The following OTUD7B variants were observed in gnomAD, a reference collection of about 807,000 sequenced individuals.
OTUD7B encodes OTU domain-containing protein 7B.
Under a neutral mutation model 82.2 loss-of-function variants are expected in OTUD7B, and 34 were observed. The ratio of observed to expected loss-of-function variants is 0.41; its 90% CI spans 0.31 to 0.55. The LOEUF is 0.55. Ranked by LOEUF, OTUD7B falls within the 20% of genes least tolerant of loss-of-function variation. OTUD7B has a pLI of 0.20. For synonymous variants in OTUD7B, 398 were observed against 402.7 expected (o/e 0.99, Z 0.14); for missense variants, 944 against 1,062.1 (o/e 0.89, Z 1.55).
At chr1:149,951,537 G>A (rs781813565) in intron 7 of OTUD7B, among the ~76,000 whole-genome samples, 14 of 152,128 alleles carry the variant, frequency 9.2e-5, no homozygotes, top group Non-Finnish European at 1.6e-4. Flanking sequence ...ACTGGAGTCA[G>A]CGTGTTCAAA....
At chr1:149,976,339 G>A (rs1180309841) in intron 2 of OTUD7B, among the ~76,000 whole-genome samples, 3 of 152,024 alleles carry the variant, frequency 2.0e-5, no homozygotes, top group Non-Finnish European at 4.4e-5. Context: ...GCCAGGCATG[G>A]TGGCTCATGC....
At chr1:149,960,327 A>G (rs906216427) in intron 6 of OTUD7B, among the ~76,000 whole-genome samples, 1 of 146,178 alleles carries the variant, frequency 6.8e-6, no homozygotes, top group Admixed American at 6.8e-5. Flanking sequence ...TACCATCTGT[A>G]TGGTATATAC....
chr1:150,059,306 C>A, the OTUD7B span, among the ~76,000 whole-genome samples: 4 of 42,286 alleles, frequency 9.5e-5, no homozygotes, highest in African/African-American at 4.3e-4. Flanking sequence ...ACCCCCCCCC[C>A]CCCCGCCTCC....
the OTUD7B span, among the ~76,000 whole-genome samples, chr1:150,051,132 G>A: frequency 6.7e-6 from 1 of 149,644 alleles, no homozygotes; most frequent in Admixed American, 6.8e-5. Flanking sequence ...GGGTGGCTGA[G>A]GCAGGAGAAT....
chr1:150,014,257 A>G (rs1571757775), upstream of OTUD7B, among the ~76,000 whole-genome samples: 1 of 148,134 alleles, frequency 6.8e-6, no homozygotes, highest in African/African-American at 2.5e-5. Flanking sequence ...AAAATTAGTC[A>G]GGCATGGTGG....
At chr1:149,969,481 T>C (rs1204503433) in intron 3 of OTUD7B, among the ~76,000 whole-genome samples, 9 of 152,118 alleles carry the variant, frequency 5.9e-5, no homozygotes, top group South Asian at 2.1e-4. Context: ...TACAGAAGCA[T>C]ATACAGGTTT....
intron 1 of OTUD7B, among the ~76,000 whole-genome samples, chr1:149,978,670 A>G (rs1553779111): frequency 2.0e-5 from 3 of 152,230 alleles, no homozygotes; most frequent in African/African-American, 4.8e-5. Flanking sequence ...TGACTGTCAA[A>G]TAAGTTCAAC....
At chr1:149,987,075 CA>C (rs1207062315) in intron 1 of OTUD7B, among the ~76,000 whole-genome samples, 1 of 152,146 alleles carries the variant, frequency 6.6e-6, no homozygotes, top group Non-Finnish European at 1.5e-5. Flanking sequence ...GATATTATTT[CA>C]TTTAAACTTC....
At chr1:149,956,421 C>A (rs185107499) in intron 7 of OTUD7B, among the ~76,000 whole-genome samples, 4 of 146,602 alleles carry the variant, frequency 2.7e-5, no homozygotes, top group African/African-American at 1.1e-4. Flanking sequence ...GTCTGATGGG[C>A]TTCCCTTTGT....
chr1:150,053,068 C>G, the OTUD7B span, among the ~76,000 whole-genome samples: 2 of 152,052 alleles, frequency 1.3e-5, no homozygotes, highest in African/African-American at 2.4e-5. Context: ...AATATAAAAC[C>G]CAAAACTATA....
At chr1:150,045,004 GC>G in the OTUD7B span, among the ~76,000 whole-genome samples, 3,269 of 151,904 alleles carry the variant, frequency 0.022, 98 homozygotes, top group African/African-American at 0.074. Flanking sequence ...GTTCAGTGGT[GC>G]AAGGGAATTA....
chr1:149,999,155 G>A (rs1464783265), intron 1 of OTUD7B, among the ~76,000 whole-genome samples: 1 of 152,100 alleles, frequency 6.6e-6, no homozygotes, highest in African/African-American at 2.4e-5. Context: ...AACATCAAGG[G>A]AAATTTGCAC....
intron 8 of OTUD7B, 25 bp downstream of exon 8, chr1:149,950,069 A>C: frequency 1.2e-6 from 2 of 1,612,878 alleles, no homozygotes; most frequent in Non-Finnish European, 1.7e-6. Flanking sequence ...CTCAGCATGG[A>C]GTGAGGACTG....
chr1:150,049,516 C>T, the OTUD7B span, among the ~76,000 whole-genome samples: 1 of 152,010 alleles, frequency 6.6e-6, no homozygotes, highest in East Asian at 1.9e-4. Context: ...ATTTTCTGGG[C>T]ATAGGCATGG....
At chr1:149,984,582 A>G (rs1215062263) in intron 1 of OTUD7B, among the ~76,000 whole-genome samples, 1 of 152,096 alleles carries the variant, frequency 6.6e-6, no homozygotes, top group African/African-American at 2.4e-5. Context: ...TTGAAACTTC[A>G]TTCACAGCCC....
At chr1:149,994,309 G>A (rs782000748) in intron 1 of OTUD7B, among the ~76,000 whole-genome samples, 7 of 152,256 alleles carry the variant, frequency 4.6e-5, no homozygotes, top group South Asian at 2.1e-4. Flanking sequence ...CCAGCCGGGC[G>A]CAGTGGCTCA....
At chr1:149,984,027 C>G (rs1284174894) in intron 1 of OTUD7B, among the ~76,000 whole-genome samples, 2 of 152,178 alleles carry the variant, frequency 1.3e-5, no homozygotes, top group Non-Finnish European at 1.5e-5. Context: ...ATGGATCCCA[C>G]ATTCTAACTT....
intron 1 of OTUD7B, among the ~76,000 whole-genome samples, chr1:150,004,676 A>G (rs1553785700): frequency 6.6e-6 from 1 of 151,730 alleles, no homozygotes; most frequent in East Asian, 1.9e-4. Context: ...CTCCAAACCA[A>G]CCTACCCACC....
At chr1:150,054,532 G>A in the OTUD7B span, 1 of 460,448 alleles carries the variant, frequency 2.2e-6, no homozygotes, top group Non-Finnish European at 4.3e-6. Flanking sequence ...TGCAGGCAGG[G>A]CATGGTGACT....
Sources: allele counts gnomAD v4.1 joint callset (sites outside exome capture counted in the v4.1 genomes callset), GRCh38; gene constraint gnomAD v4.1.1; transcripts MANE v1.5; gene names NCBI Gene and HGNC (gene_info 2026-07-23, HGNC 2026-07-21).